Variants in JAZF1 observed in about 807,000 individuals in gnomAD.
The protein encoded by JAZF1 is juxtaposed with another zinc finger protein 1.
Under a neutral mutation model 26.4 loss-of-function variants are expected in JAZF1, and 8 were observed. That is an observed-to-expected ratio of 0.30 (90% confidence interval 0.18 to 0.55). JAZF1 has a LOEUF of 0.55. Among genes scored for constraint, JAZF1 ranks in the 20% least tolerant of loss-of-function variants. JAZF1 has a pLI of 0.94. For synonymous variants in JAZF1, 126 were observed against 122.3 expected (o/e 1.03, Z -0.20); for missense variants, 199 against 322.0 (o/e 0.62, Z 2.92).
At chr7:28,065,603 G>A (rs557969725) in intron 1 of JAZF1, among the ~76,000 whole-genome samples, 69 of 152,210 alleles carry the variant, frequency 4.5e-4, no homozygotes, top group African/African-American at 1.1e-3. Flanking sequence ...CAACTATTTC[G>A]AAAAATTACC....
chr7:28,106,764 T>A (rs1332044591), intron 1 of JAZF1, among the ~76,000 whole-genome samples: 1 of 152,146 alleles, frequency 6.6e-6, no homozygotes, highest in Non-Finnish European at 1.5e-5. Context: ...ATATAAATAC[T>A]CCTTTCAGCT....
intron 1 of JAZF1, among the ~76,000 whole-genome samples, chr7:28,011,885 A>T (rs1428830039): frequency 2.0e-5 from 3 of 152,106 alleles, no homozygotes; most frequent in Non-Finnish European, 4.4e-5. Flanking sequence ...ATTAAAAGGG[A>T]CTTAAGGGAT....
intron 2 of JAZF1, chr7:27,913,281 A>T: frequency 5.0e-6 from 1 of 201,408 alleles, no homozygotes; most frequent in Non-Finnish European, 1.0e-5. Context: ...TATATATATT[A>T]TATATATATA....
intron 3 of JAZF1, among the ~76,000 whole-genome samples, chr7:27,847,151 C>CTT (rs80005826): frequency 5.1e-5 from 7 of 136,366 alleles, no homozygotes; most frequent in South Asian, 4.9e-4. Context: ...GGCTTTTTTT[C>CTT]TTTTTTTTTT....
intron 4 of JAZF1, among the ~76,000 whole-genome samples, chr7:27,839,689 G>A (rs1782884540): frequency 6.6e-6 from 1 of 152,212 alleles, no homozygotes; most frequent in African/African-American, 2.4e-5. Context: ...TAGGGAAGGT[G>A]AAACCTAGAA....
intron 2 of JAZF1, among the ~76,000 whole-genome samples, chr7:27,918,530 T>G (rs1444531085): frequency 1.3e-5 from 2 of 152,208 alleles, no homozygotes; most frequent in African/African-American, 4.8e-5. Context: ...AAATGAGTAG[T>G]TTTTAGATAA....
intron 2 of JAZF1, among the ~76,000 whole-genome samples, chr7:27,930,117 C>T (rs900432603): frequency 6.6e-5 from 10 of 151,996 alleles, no homozygotes; most frequent in East Asian, 5.8e-4. Context: ...TGCCTCAGCC[C>T]CCCGAGTAGC....
chr7:27,903,436 C>T (rs1399435669), intron 2 of JAZF1, among the ~76,000 whole-genome samples: 1 of 152,222 alleles, frequency 6.6e-6, no homozygotes, highest in Non-Finnish European at 1.5e-5. Flanking sequence ...ATCAAGCAAT[C>T]TGCCCACTTT....
chr7:27,994,473 A>C (rs915495601), intron 1 of JAZF1, among the ~76,000 whole-genome samples: 3 of 12,004 alleles, frequency 2.5e-4, no homozygotes, highest in Non-Finnish European at 6.0e-4. Context: ...AAAAAAAAAC[A>C]CACACACACA....
chr7:28,110,519 G>T (rs1459495060), intron 1 of JAZF1, among the ~76,000 whole-genome samples: 2 of 75,070 alleles, frequency 2.7e-5, no homozygotes, highest in South Asian at 1.1e-3. Flanking sequence ...GAAAGGAAAA[G>T]GAAAAGGAAA....
At chr7:27,997,566 G>C (rs1361753799) in intron 1 of JAZF1, among the ~76,000 whole-genome samples, 1 of 152,090 alleles carries the variant, frequency 6.6e-6, no homozygotes, top group East Asian at 1.9e-4. Flanking sequence ...TTTTATTGCT[G>C]TGATATATTT....
chr7:27,990,826 G>A (rs772337792), intron 2 of JAZF1, among the ~76,000 whole-genome samples: 38 of 152,072 alleles, frequency 2.5e-4, no homozygotes, highest in Admixed American at 3.9e-4. Flanking sequence ...TTTTGAAGGC[G>A]TTCTATTTAA....
At chr7:27,921,830 A>G (rs1784534482) in intron 2 of JAZF1, among the ~76,000 whole-genome samples, 1 of 152,196 alleles carries the variant, frequency 6.6e-6, no homozygotes, top group Non-Finnish European at 1.5e-5. Flanking sequence ...CCAGGAGTTC[A>G]AGATCAGCCA....
chr7:27,987,073 C>T (rs542330813), intron 2 of JAZF1, among the ~76,000 whole-genome samples: 10 of 152,226 alleles, frequency 6.6e-5, no homozygotes, highest in Admixed American at 5.9e-4. Flanking sequence ...TGCCCGGCCG[C>T]CACCCCATCT....
At chr7:28,035,957 T>G (rs1783285379) in intron 1 of JAZF1, among the ~76,000 whole-genome samples, 1 of 152,234 alleles carries the variant, frequency 6.6e-6, no homozygotes, top group South Asian at 2.1e-4. Flanking sequence ...AAGATATATT[T>G]GTGAAAATTC....
chr7:28,060,501 C>T (rs1473447723), intron 1 of JAZF1, among the ~76,000 whole-genome samples: 1 of 152,206 alleles, frequency 6.6e-6, no homozygotes, highest in Non-Finnish European at 1.5e-5. Context: ...CAACCTGGTA[C>T]CATTTTAATT....
intron 3 of JAZF1, among the ~76,000 whole-genome samples, chr7:27,850,592 T>C (rs1783126410): frequency 6.6e-6 from 1 of 152,226 alleles, no homozygotes; most frequent in South Asian, 2.1e-4. Flanking sequence ...GTTTGTTGAA[T>C]GAACGAATGA....
intron 1 of JAZF1, among the ~76,000 whole-genome samples, chr7:28,087,632 G>C (rs1264143393): frequency 6.6e-6 from 1 of 152,174 alleles, no homozygotes; most frequent in Non-Finnish European, 1.5e-5. Flanking sequence ...TTTGCATACA[G>C]TTAATCATCT....
intron 1 of JAZF1, among the ~76,000 whole-genome samples, chr7:27,996,452 G>C (rs2128366496): frequency 6.6e-6 from 1 of 152,270 alleles, no homozygotes; most frequent in South Asian, 2.1e-4. Flanking sequence ...AGGTAGTAGG[G>C]GATTTGCAGT....
Sources: allele counts gnomAD v4.1 joint callset (sites outside exome capture counted in the v4.1 genomes callset), GRCh38; gene constraint gnomAD v4.1.1; transcripts MANE v1.5; gene names NCBI Gene and HGNC (gene_info 2026-07-23, HGNC 2026-07-21).